TATDN3: variants seen among roughly 807,000 people sequenced by gnomAD.
TATDN3 encodes TatD DNase domain containing 3.
TATDN3 carries 29 observed loss-of-function variants against 40.1 expected under a neutral mutation model. The ratio of observed to expected loss-of-function variants is 0.72; its 90% CI spans 0.54 to 0.99. The LOEUF (loss-of-function observed/expected upper bound fraction) is 0.99. Ranked by LOEUF, TATDN3 falls within the 50% of genes least tolerant of loss-of-function variation. The pLI is 0.00. For synonymous variants in TATDN3, 105 were observed against 117.0 expected (o/e 0.90, Z 0.66); for missense variants, 309 against 321.9 (o/e 0.96, Z 0.31).
intron 2 of TATDN3, 78 bp downstream of exon 2, chr1:212,795,205 A>G: frequency 1.0e-6 from 1 of 979,378 alleles, no homozygotes; most frequent in Non-Finnish European, 1.6e-6. Flanking sequence ...TGAAATTTAG[A>G]TATACTACCT....
At chr1:212,802,435 C>T in intron 4 of TATDN3, among the ~76,000 whole-genome samples, 1 of 152,244 alleles carries the variant, frequency 6.6e-6, no homozygotes, top group African/African-American at 2.4e-5. Context: ...GAAATACCTC[C>T]CAAACAGAAG....
chr1:212,797,238 C>T (rs371238512), intron 4 of TATDN3, 42 bp downstream of exon 4: 23 of 1,458,624 alleles, frequency 1.6e-5, no homozygotes, highest in Middle Eastern at 1.7e-4. Context: ...AACAAACAAA[C>T]GAAAGAATTA....
chr1:212,806,747 C>CATAA (rs1491412270), intron 7 of TATDN3, among the ~76,000 whole-genome samples: 3 of 43,988 alleles, frequency 6.8e-5, no homozygotes, highest in Non-Finnish European at 8.8e-5. Context: ...TCTCTCTCTC[C>CATAA]ATATATATAT....
chr1:212,811,339 G>A (rs952274765), intron 8 of TATDN3, among the ~76,000 whole-genome samples: 1 of 152,070 alleles, frequency 6.6e-6, no homozygotes, highest in East Asian at 1.9e-4. Context: ...CACCATGTTG[G>A]TCAGGCTGGT....
intron 8 of TATDN3, among the ~76,000 whole-genome samples, chr1:212,811,771 C>T (rs1242192605): frequency 2.0e-5 from 3 of 151,646 alleles, no homozygotes; most frequent in Admixed American, 6.6e-5. Flanking sequence ...GGGGTGATCT[C>T]GGCTCACTGC....
At position 212,809,610 on chromosome 1, in the gene TATDN3, G is replaced by T. The variant is rs138808371; in HGVS notation, c.600+1762G>T. The stretch of plus-strand genomic sequence containing the variant: ...GAGGCAGGAGAATGGCGTGAACCCG[G>T]GGGGGCAGAGCCTGCAGTGAGCCGA... On this transcript the variant is annotated intron_variant, in intron 8 of 9. Coordinates refer to ENST00000366974, the MANE Select transcript of TATDN3 (RefSeq NM_001042552.3). Among the ~76,000 whole-genome samples the T allele has an allele frequency of 3.3e-5, 5 of 151,864 alleles. No homozygotes were observed. In the East Asian group the frequency reaches 9.7e-4, roughly 29 times the overall value.
chr1:212,802,217 C>G (rs966847222), intron 4 of TATDN3, among the ~76,000 whole-genome samples: 1 of 152,076 alleles, frequency 6.6e-6, no homozygotes, highest in Non-Finnish European at 1.5e-5. Flanking sequence ...AACAAGTAGT[C>G]AAAGCAGGGC....
intron 1 of TATDN3, among the ~76,000 whole-genome samples, chr1:212,792,339 C>A (rs1661367135): frequency 6.6e-6 from 1 of 152,060 alleles, no homozygotes; most frequent in African/African-American, 2.4e-5. Flanking sequence ...GAAACGCGTT[C>A]AAATCGGGGA....
At chr1:212,814,384 A>C (rs1408488038) in intron 9 of TATDN3, among the ~76,000 whole-genome samples, 1 of 152,166 alleles carries the variant, frequency 6.6e-6, no homozygotes, top group African/African-American at 2.4e-5. Context: ...AACAATAATA[A>C]TTTATTTCAT....
intron 7 of TATDN3, 25 bp from the exon 8 acceptor site, chr1:212,807,711 C>T (rs1427958003): frequency 6.5e-7 from 1 of 1,542,990 alleles, no homozygotes. Context: ...AAATGGAATA[C>T]TGCCTTATCT....
intron 2 of TATDN3, among the ~76,000 whole-genome samples, chr1:212,796,148 G>T (rs1442552426): frequency 6.6e-6 from 1 of 152,220 alleles, no homozygotes; most frequent in African/African-American, 2.4e-5. Flanking sequence ...GATACAGCCA[G>T]AAATGGTTGT....
intron 4 of TATDN3, among the ~76,000 whole-genome samples, chr1:212,797,992 T>G (rs1487596278): frequency 1.3e-5 from 2 of 152,124 alleles, no homozygotes; most frequent in Non-Finnish European, 2.9e-5. Context: ...TAATGACTTT[T>G]TGTTACCTAT....
intron 8 of TATDN3, among the ~76,000 whole-genome samples, chr1:212,811,187 G>A (rs1018389690): frequency 3.3e-5 from 5 of 151,786 alleles, no homozygotes; most frequent in African/African-American, 1.2e-4. Context: ...CTAGGCTGGA[G>A]TGCAGTGGCG....
intron 4 of TATDN3, among the ~76,000 whole-genome samples, chr1:212,798,843 G>A (rs1661990977): frequency 6.6e-6 from 1 of 152,156 alleles, no homozygotes; most frequent in African/African-American, 2.4e-5. Context: ...GATTCTAGAT[G>A]GCCCAGACAG....
intron 1 of TATDN3, among the ~76,000 whole-genome samples, chr1:212,792,491 C>T (rs1206145971): frequency 6.9e-6 from 1 of 144,664 alleles, no homozygotes; most frequent in African/African-American, 2.6e-5. Flanking sequence ...AAAAAAAAGC[C>T]GGTGATTGTG....
At chr1:212,811,170 A>C in intron 8 of TATDN3, among the ~76,000 whole-genome samples, 1 of 147,508 alleles carries the variant, frequency 6.8e-6, no homozygotes. Context: ...TTTTTTTTCC[A>C]CTCTGGCTAG....
intron 7 of TATDN3, among the ~76,000 whole-genome samples, chr1:212,806,455 C>T (rs1430040840): frequency 6.7e-6 from 1 of 148,322 alleles, no homozygotes; most frequent in Non-Finnish European, 1.5e-5. Flanking sequence ...ACTGCAACCT[C>T]CACCTCCTGG....
At chr1:212,804,934 A>C (rs1443044611) in intron 7 of TATDN3, among the ~76,000 whole-genome samples, 1 of 152,168 alleles carries the variant, frequency 6.6e-6, no homozygotes, top group Non-Finnish European at 1.5e-5. Flanking sequence ...ACAAAACAAA[A>C]CAAAATTAGC....
intron 8 of TATDN3, 85 bp downstream of exon 8, chr1:212,807,933 C>G (rs1040923137): frequency 6.1e-6 from 5 of 817,734 alleles, no homozygotes; most frequent in Non-Finnish European, 9.6e-6. Context: ...TGATACTATT[C>G]TAGTTACATT....
Sources: gnomAD v4.1 joint callset for allele counts (sites outside exome capture counted in the v4.1 genomes callset) on GRCh38, gnomAD v4.1.1 for gene constraint, MANE v1.5 for transcripts, NCBI Gene and HGNC (gene_info 2026-07-23, HGNC 2026-07-21) for gene names.